The following BAZ1B variants were observed in gnomAD, a reference collection of about 807,000 sequenced individuals.
The protein encoded by BAZ1B is bromodomain adjacent to zinc finger domain 1B, also known as tyrosine-protein kinase BAZ1B.
A neutral mutation model predicts 153.8 loss-of-function variants in BAZ1B; 22 were observed. That is an observed-to-expected ratio of 0.14 (90% CI 0.10 to 0.20). The LOEUF is 0.20. Ranked by LOEUF, BAZ1B falls within the 10% of genes least tolerant of loss-of-function variation. The pLI is 1.00. For missense variants in BAZ1B, 1,325 were observed against 1,799.3 expected (o/e 0.74, Z 4.77); for synonymous variants, 676 against 633.4 (o/e 1.07, Z -1.01).
chr7:73,447,266 C>T lies in BAZ1B; in HGVS notation c.3842G>A (p.Arg1281Gln), dbSNP rs782401556. 5 of 1,613,762 alleles carry T rather than the reference C, an allele frequency of 3.1e-6. No homozygotes were observed. The highest frequency in any genetic ancestry group is 2.2e-5 in the East Asian group (1 of 44,886). ...EEEDYEVAGL[R>Q]LRPRKTIRGK... ...ACAAAGGCAGACAAAATACTTACAT[C>T]GCAAACCAGCCACCTCATAATCTTC... Residue 1281 changes from arginine (R) to glutamine (Q), a missense_variant and splice_region_variant, in exon 16 of 20, where the codon CGA becomes CAA. By Grantham distance (43) the Arg-to-Gln change is conservative. Around this residue, in one of 9 missense-constraint regions of BAZ1B, gnomAD observed 271 missense variants for 337.2 expected, o/e 0.80. Transcript: ENST00000339594.
Position 73,477,109 on chromosome 7 carries a change from C to A in BAZ1B, c.2352G>T (p.Leu784Phe). The change falls in exon 7 of 20, where the codon TTG becomes TTT. Residue 784 changes from leucine to phenylalanine, a missense_variant. Leu to Phe is a conservative substitution (Grantham distance 22). Around this residue, in one of 9 missense-constraint regions of BAZ1B, gnomAD observed 431 missense variants for 563.5 expected, o/e 0.76. Transcript: ENST00000339594. This position sits in a 1 kb window ranked among gnomAD's most constrained non-coding sequence, Gnocchi z 5.6. ...CTCTCTTCTTATCATTTTCTTCCTT[C>A]AACACAGCAAGCCGTTCCTTCCACA... ...AELWKERLAV[L>F]KEENDKKRAE... 1 of 1,614,210 alleles carries A rather than the reference C, an allele frequency of 6.2e-7. No homozygotes were observed.
chr7:73,458,936 C>T (rs1788294162), intron 13 of BAZ1B, among the ~76,000 whole-genome samples: 1 of 152,022 alleles, frequency 6.6e-6, no homozygotes, highest in African/African-American at 2.4e-5. Flanking sequence ...AAAGTCACCA[C>T]CACCTTTTTA....
At chr7:73,471,153 G>A (rs970387029) in intron 7 of BAZ1B, among the ~76,000 whole-genome samples, 6 of 152,158 alleles carry the variant, frequency 3.9e-5, no homozygotes, top group African/African-American at 1.2e-4. Flanking sequence ...AAAAGATCAC[G>A]ATAAATCAAA....
intron 9 of BAZ1B, among the ~76,000 whole-genome samples, chr7:73,468,074 T>C (rs1284230621): frequency 2.0e-5 from 3 of 152,220 alleles, no homozygotes; most frequent in Non-Finnish European, 4.4e-5. Context: ...TTCTCTAAAA[T>C]GAATTACTTT....
chr7:73,445,379 A>AACC (rs1455071849), intron 16 of BAZ1B, among the ~76,000 whole-genome samples: 1 of 152,156 alleles, frequency 6.6e-6, no homozygotes, highest in Non-Finnish European at 1.5e-5. Flanking sequence ...TGCACTGGGG[A>AACC]ACCACATCTT....
chr7:73,476,017 T>A (rs1788985153), intron 7 of BAZ1B, among the ~76,000 whole-genome samples: 1 of 152,110 alleles, frequency 6.6e-6, no homozygotes, highest in Non-Finnish European at 1.5e-5. Context: ...TCAAGATTCA[T>A]TCATGTTGTA....
At chr7:73,487,768 T>A (rs1415678305) in intron 6 of BAZ1B, among the ~76,000 whole-genome samples, 1 of 152,064 alleles carries the variant, frequency 6.6e-6, no homozygotes, top group East Asian at 1.9e-4. Flanking sequence ...AACAAACATC[T>A]GAGAAAAAAA....
At chr7:73,510,714 G>A in intron 2 of BAZ1B, 22 bp downstream of exon 2, 1 of 1,592,876 alleles carries the variant, frequency 6.3e-7, no homozygotes, top group Non-Finnish European at 8.6e-7. Context: ...TGGTGGCAAA[G>A]AGCAATACTT....
intron 7 of BAZ1B, among the ~76,000 whole-genome samples, chr7:73,472,742 AATTT>A (rs112634031): frequency 0.87 from 126,621 of 145,490 alleles, 54,503 homozygotes; most frequent in East Asian, 0.98. Flanking sequence ...ACAGCCAGCT[AATTT>A]ATTTATTTAT....
At chr7:73,467,344 T>C (rs1788631771) in intron 9 of BAZ1B, among the ~76,000 whole-genome samples, 1 of 152,100 alleles carries the variant, frequency 6.6e-6, no homozygotes, top group Non-Finnish European at 1.5e-5. Context: ...TAACTTTGTT[T>C]AGTCTTTTCA....
chr7:73,458,506 T>C (rs890216814), intron 13 of BAZ1B, among the ~76,000 whole-genome samples: 13 of 151,772 alleles, frequency 8.6e-5, no homozygotes, highest in Non-Finnish European at 2.9e-5. Context: ...TGAAACCCCG[T>C]CTCTACAAAA....
intron 1 of BAZ1B, among the ~76,000 whole-genome samples, chr7:73,520,210 CAAAAAAAAAAA>C (rs1158487602): frequency 1.0e-4 from 6 of 57,386 alleles, no homozygotes; most frequent in African/African-American, 1.9e-4. Context: ...AACTCCGTCT[CAAAAAAAAAAA>C]AAAAAAAAAG....
chr7:73,465,560 A>G (rs1554571064), intron 10 of BAZ1B, 23 bp from the exon 11 acceptor site: 4 of 1,436,724 alleles, frequency 2.8e-6, no homozygotes, highest in Non-Finnish European at 2.9e-6. Context: ...AAGAGACCTG[A>G]TAACTCTGAA....
Position 73,522,015 on chromosome 7 carries a change from C to T in BAZ1B, c.-82G>A. The T allele has an allele frequency of 9.4e-7, 1 of 1,065,958 alleles. No individual in the cohort carries two copies. The highest frequency in any genetic ancestry group is 3.4e-5 in the East Asian group (1 of 29,522). The allele number at this position is 1,065,958 out of a possible 1,614,324, so 66.0% of individuals were successfully genotyped here. On this transcript the variant is annotated 5_prime_UTR_variant, in exon 1 of 20. Coordinates refer to ENST00000339594, the MANE Select transcript of BAZ1B (RefSeq NM_032408.4). Reference sequence around the variant, plus strand: ...TAGGCCCCGCGGCCCGGAGCGAGCGCCAGGCGCCCGGGGGTGGGGTGGGGG... The same window carrying T: ...TAGGCCCCGCGGCCCGGAGCGAGCGTCAGGCGCCCGGGGGTGGGGTGGGGG...
At chr7:73,455,759 G>C (rs1278307629) in intron 13 of BAZ1B, among the ~76,000 whole-genome samples, 1 of 152,162 alleles carries the variant, frequency 6.6e-6, no homozygotes, top group East Asian at 1.9e-4. Context: ...CTCCAGCATG[G>C]ACAGTAGAGA....
chr7:73,495,066 C>T (rs565069793), intron 4 of BAZ1B, among the ~76,000 whole-genome samples: 2 of 152,284 alleles, frequency 1.3e-5, no homozygotes, highest in Non-Finnish European at 2.9e-5. Flanking sequence ...GGCAGATCAC[C>T]TGAGGTCCAG....
intron 4 of BAZ1B, among the ~76,000 whole-genome samples, chr7:73,494,576 C>T (rs928728585): frequency 2.0e-5 from 3 of 152,088 alleles, no homozygotes; most frequent in Admixed American, 2.0e-4. Context: ...GAGACCCTGT[C>T]TCTAAACAAA....
At chr7:73,449,348 G>C (rs1787948861) in intron 15 of BAZ1B, among the ~76,000 whole-genome samples, 194 bp downstream of exon 15, 1 of 152,162 alleles carries the variant, frequency 6.6e-6, no homozygotes. Context: ...GTGAAAACTA[G>C]AAATGTCAAC....
chr7:73,516,919 G>A (rs1302176310), intron 1 of BAZ1B, among the ~76,000 whole-genome samples: 2 of 151,932 alleles, frequency 1.3e-5, no homozygotes, highest in Non-Finnish European at 2.9e-5. Context: ...GGTGGCTCAC[G>A]CCTGTAATCC....
Sources: allele counts gnomAD v4.1 joint callset (sites outside exome capture counted in the v4.1 genomes callset), GRCh38; gene constraint gnomAD v4.1.1; regional missense constraint gnomAD v4.1.1; non-coding constraint Gnocchi (gnomAD v3.1); transcripts MANE v1.5; gene names NCBI Gene and HGNC (gene_info 2026-07-23, HGNC 2026-07-21).